Variants in UCHL5 observed in about 807,000 individuals in gnomAD.
The protein encoded by UCHL5 is ubiquitin C-terminal hydrolase L5.
A neutral mutation model predicts 53.8 loss-of-function variants in UCHL5; 34 were observed. That is an observed-to-expected ratio of 0.63 (90% confidence interval 0.48 to 0.84). UCHL5 has a LOEUF of 0.84. Ranked by LOEUF, UCHL5 falls within the 40% of genes least tolerant of loss-of-function variation. UCHL5 has a pLI of 0.00. For missense variants in UCHL5, 290 were observed against 385.6 expected, an observed-to-expected ratio of 0.75 and a Z score of 2.08; for synonymous variants, 111 against 126.3, an observed-to-expected ratio of 0.88 and a Z score of 0.81.
intron 3 of UCHL5, among the ~76,000 whole-genome samples, chr1:193,044,838 A>G (rs928767787): frequency 1.3e-5 from 2 of 152,192 alleles, no homozygotes; most frequent in Non-Finnish European, 2.9e-5. Context: ...ATATACTAAA[A>G]AGACTGACAG....
chr1:193,019,101 A>T (rs1033416623), intron 10 of UCHL5, among the ~76,000 whole-genome samples: 2 of 151,644 alleles, frequency 1.3e-5, no homozygotes, highest in African/African-American at 4.8e-5. Context: ...ATAGTGCTAC[A>T]GATTAAGCAC....
intron 3 of UCHL5, among the ~76,000 whole-genome samples, chr1:193,034,340 A>G (rs1662597453): frequency 6.6e-6 from 1 of 152,068 alleles, no homozygotes. Context: ...AATGATTTTG[A>G]AAATTTAAGC....
At chr1:193,026,586 T>C (rs1015867975) in intron 7 of UCHL5, among the ~76,000 whole-genome samples, 2 of 151,990 alleles carry the variant, frequency 1.3e-5, no homozygotes, top group Admixed American at 1.3e-4. Context: ...CTAAAAATGG[T>C]GGTAACACCA....
At chr1:193,029,029 T>C (rs532971254) in intron 6 of UCHL5, 150 bp downstream of exon 6, 2 of 822,082 alleles carry the variant, frequency 2.4e-6, no homozygotes, top group Admixed American at 3.0e-5. Flanking sequence ...TATATTAATA[T>C]AACACACTGA....
chr1:193,028,656 T>C (rs577530687), intron 6 of UCHL5, among the ~76,000 whole-genome samples: 1 of 152,304 alleles, frequency 6.6e-6, no homozygotes, highest in African/African-American at 2.4e-5. Context: ...GTGTTTATCA[T>C]TTTTTGCTCA....
intron 3 of UCHL5, among the ~76,000 whole-genome samples, chr1:193,040,278 A>G (rs1665096981): frequency 6.6e-6 from 1 of 152,248 alleles, no homozygotes; most frequent in Admixed American, 6.5e-5. Flanking sequence ...AGGATATATA[A>G]GAAGCTCAAG....
Position 193,015,603 on chromosome 1 carries a change from A to G in UCHL5, c.*748T>C, listed in dbSNP as rs1429904684. On this transcript the variant is annotated 3_prime_UTR_variant, in exon 11 of 11. Transcript: ENST00000367454. ...TCCAGTTTTTTTATACACAGCTTAC[A>G]AGCTTGAAACAATATTCCATTGAGA... 1 of 152,018 alleles carries G rather than the reference A, an allele frequency of 6.6e-6. No individual in the cohort carries two copies. The highest frequency in any genetic ancestry group is 1.5e-5 in the Non-Finnish European group (1 of 67,936). 9.4% of individuals were successfully genotyped at this position (152,018 alleles called of 1,614,324 possible).
chr1:193,047,731 T>A (rs1667801782), intron 3 of UCHL5, among the ~76,000 whole-genome samples: 1 of 152,126 alleles, frequency 6.6e-6, no homozygotes, highest in South Asian at 2.1e-4. Flanking sequence ...TTCAAGGAGT[T>A]TGTGAGCTCA....
intron 3 of UCHL5, among the ~76,000 whole-genome samples, chr1:193,042,250 T>C (rs1156353234): frequency 6.6e-6 from 1 of 151,936 alleles, no homozygotes; most frequent in African/African-American, 2.4e-5. Flanking sequence ...AACATAAGGG[T>C]TACACTGGAT....
intron 3 of UCHL5, among the ~76,000 whole-genome samples, chr1:193,048,377 C>T (rs1463811467): frequency 1.3e-5 from 2 of 152,156 alleles, no homozygotes; most frequent in Admixed American, 1.3e-4. Flanking sequence ...AATTTAACTT[C>T]TCAACAATAT....
chr1:193,023,860 T>C lies in UCHL5; in HGVS notation c.716A>G (p.Gln239Arg). The C allele has an allele frequency of 6.2e-7, 1 of 1,612,510 alleles. No individual in the cohort carries two copies. The highest frequency in any genetic ancestry group is 1.3e-5 in the African/African-American group (1 of 74,952). ...MIYEQKIAELQRQLAEEPMDT... is the reference protein window; with the variant it reads ...MIYEQKIAELRRQLAEEPMDT... ...GCCACGAACCTCTGCAAGTTGTCTT[T>C]GTAACTCTGCTATCTTCTGCTCATA... Residue 239 changes from glutamine (Q) to arginine (R), a missense_variant, in exon 8 of 11, where the codon CAA becomes CGA. Coordinates refer to ENST00000367454, the MANE Select transcript of UCHL5 (RefSeq NM_001199261.3).
At chr1:193,037,820 T>C (rs1301022485) in intron 3 of UCHL5, among the ~76,000 whole-genome samples, 2 of 147,742 alleles carry the variant, frequency 1.4e-5, no homozygotes, top group Non-Finnish European at 3.0e-5. Flanking sequence ...CACACCAACA[T>C]GGCACATGTA....
At chr1:193,040,061 G>A (rs1455159793) in intron 3 of UCHL5, among the ~76,000 whole-genome samples, 1 of 152,126 alleles carries the variant, frequency 6.6e-6, no homozygotes, top group Non-Finnish European at 1.5e-5. Flanking sequence ...AAACATTGGG[G>A]AAAATCTCCA....
intron 10 of UCHL5, 82 bp downstream of exon 10, chr1:193,021,015 A>G (rs1656808286): frequency 1.5e-5 from 17 of 1,111,442 alleles, no homozygotes; most frequent in Non-Finnish European, 2.1e-5. Flanking sequence ...TTTTACCTCT[A>G]TTCAAGCAAA....
At position 193,029,222 on chromosome 1, in the gene UCHL5, T is replaced by C. The variant is rs762977068; in HGVS notation, c.522A>G (p.Arg174=). The C allele has an allele frequency of 1.2e-6, 2 of 1,613,760 alleles. No homozygotes were observed. The highest frequency in any genetic ancestry group is 3.3e-5 in the Admixed American group (2 of 60,002). ...CTCTTAATCCATCTAATTCATACAG[T>C]CTCCCATTAACAGGAACATAACTGA... ...HFVSYVPVNG[R]LYELDGLREG... The change falls in exon 6 of 11, where the codon AGA becomes AGG. Residue 174 remains arginine, a synonymous_variant. Coordinates refer to ENST00000367454, the MANE Select transcript of UCHL5 (RefSeq NM_001199261.3).
intron 3 of UCHL5, among the ~76,000 whole-genome samples, chr1:193,044,867 T>C (rs1014813514): frequency 1.1e-4 from 17 of 152,162 alleles, no homozygotes; most frequent in African/African-American, 3.6e-4. Context: ...GGGGAATTAT[T>C]GACCTGTCAG....
intron 7 of UCHL5, among the ~76,000 whole-genome samples, chr1:193,025,748 G>A (rs1032388334): frequency 6.6e-6 from 1 of 152,124 alleles, no homozygotes; most frequent in Non-Finnish European, 1.5e-5. Flanking sequence ...AGCTCACACA[G>A]AAATTTTAAA....
At chr1:193,031,985 T>A (rs971366050) in intron 3 of UCHL5, among the ~76,000 whole-genome samples, 36 of 152,202 alleles carry the variant, frequency 2.4e-4, no homozygotes, top group African/African-American at 8.4e-4. Flanking sequence ...GCAGAGGGTC[T>A]CAAGTAGGAC....
intron 3 of UCHL5, among the ~76,000 whole-genome samples, chr1:193,036,132 T>C (rs912980054): frequency 5.3e-5 from 8 of 151,754 alleles, no homozygotes; most frequent in African/African-American, 1.9e-4. Flanking sequence ...TAATAAGTCC[T>C]CACTTATCAA....
Sources: allele counts gnomAD v4.1 joint callset (sites outside exome capture counted in the v4.1 genomes callset), GRCh38; gene constraint gnomAD v4.1.1; transcripts MANE v1.5; gene names NCBI Gene and HGNC (gene_info 2026-07-23, HGNC 2026-07-21).